The following GRIK2 variants were observed in gnomAD, a reference collection of about 807,000 sequenced individuals.
GRIK2 encodes the protein glutamate receptor ionotropic, kainate 2.
GRIK2 carries 32 observed loss-of-function variants against 100.3 expected under a neutral mutation model. The ratio of observed to expected loss-of-function variants is 0.32; its 90% CI spans 0.24 to 0.43. The LOEUF is 0.43. Ranked by LOEUF, GRIK2 falls within the 20% of genes least tolerant of loss-of-function variation. GRIK2 has a pLI of 1.00. For missense variants in GRIK2, 843 were observed against 1,114.9 expected, an observed-to-expected ratio of 0.76 and a Z score of 3.47; for synonymous variants, 417 against 389.4, an observed-to-expected ratio of 1.07 and a Z score of -0.83.
At chr6:101,836,643 G>GTATATATATA (rs201661389) in intron 10 of GRIK2, among the ~76,000 whole-genome samples, 2 of 86,402 alleles carry the variant, frequency 2.3e-5, no homozygotes, top group African/African-American at 4.6e-5. Context: ...ATATGTATGT[G>GTATATATATA]TATATATATA....
At chr6:101,647,085 T>C (rs1781561312) in intron 4 of GRIK2, among the ~76,000 whole-genome samples, 1 of 152,016 alleles carries the variant, frequency 6.6e-6, no homozygotes, top group Non-Finnish European at 1.5e-5. Flanking sequence ...GTCTTAAAGA[T>C]GTTATGAAAC....
intron 2 of GRIK2, among the ~76,000 whole-genome samples, chr6:101,608,599 T>A (rs1472592974): frequency 6.6e-6 from 1 of 151,944 alleles, no homozygotes; most frequent in African/African-American, 2.4e-5. Context: ...CCTACTGTGT[T>A]ACACTCAGTT....
intron 2 of GRIK2, among the ~76,000 whole-genome samples, chr6:101,411,678 A>G (rs1352364637): frequency 6.6e-6 from 1 of 152,138 alleles, no homozygotes; most frequent in Non-Finnish European, 1.5e-5. Flanking sequence ...TAAATGTTGT[A>G]GATAACAGTT....
chr6:101,549,557 T>A (rs182831187), intron 2 of GRIK2, among the ~76,000 whole-genome samples: 12 of 152,256 alleles, frequency 7.9e-5, no homozygotes, highest in African/African-American at 2.4e-4. Context: ...AATATATTTT[T>A]ATTTAATTTT....
intron 2 of GRIK2, among the ~76,000 whole-genome samples, chr6:101,564,046 G>A (rs775592464): frequency 3.9e-5 from 6 of 151,956 alleles, no homozygotes; most frequent in South Asian, 2.1e-4. Flanking sequence ...GGATCCACCC[G>A]CCAAGGCTGA....
intron 7 of GRIK2, among the ~76,000 whole-genome samples, chr6:101,696,297 TTTATA>T (rs199662137): frequency 0.012 from 1,812 of 151,782 alleles, 23 homozygotes; most frequent in Non-Finnish European, 0.018. Context: ...TATAATAAAA[TTTATA>T]TTATATATAA....
intron 7 of GRIK2, among the ~76,000 whole-genome samples, chr6:101,797,608 A>G (rs1233981342): frequency 3.4e-5 from 5 of 148,248 alleles, no homozygotes; most frequent in African/African-American, 1.2e-4. Context: ...ATATTACTCT[A>G]TAAATATATA....
intron 7 of GRIK2, among the ~76,000 whole-genome samples, chr6:101,762,534 A>ATTTC (rs899244210): frequency 1.3e-5 from 2 of 151,874 alleles, no homozygotes; most frequent in African/African-American, 4.8e-5. Context: ...TCCAGCCCCA[A>ATTTC]TTTCTTTCTT....
At chr6:102,025,743 A>G (rs1414814390) in intron 14 of GRIK2, among the ~76,000 whole-genome samples, 1 of 151,272 alleles carries the variant, frequency 6.6e-6, no homozygotes, top group Non-Finnish European at 1.5e-5. Flanking sequence ...TTGCCAGGAC[A>G]GGGGTCATGT....
intron 7 of GRIK2, among the ~76,000 whole-genome samples, chr6:101,722,292 T>G (rs1774537366): frequency 6.6e-6 from 1 of 152,012 alleles, no homozygotes; most frequent in Non-Finnish European, 1.5e-5. Context: ...TATTAGGTAG[T>G]CCATTAAAAA....
At chr6:101,400,315 T>C (rs1464347008) in intron 2 of GRIK2, among the ~76,000 whole-genome samples, 3 of 152,186 alleles carry the variant, frequency 2.0e-5, no homozygotes, top group Admixed American at 2.0e-4. Flanking sequence ...GTGGAAACCC[T>C]GGTCAGAGGG....
At chr6:101,873,260 A>G (rs989093778) in intron 11 of GRIK2, among the ~76,000 whole-genome samples, 9 of 89,710 alleles carry the variant, frequency 1.0e-4, no homozygotes, top group Non-Finnish European at 1.9e-4. Flanking sequence ...CCCACCCCAC[A>G]ATAAGCCCCA....
chr6:101,688,765 A>G (rs1771889819), intron 7 of GRIK2, among the ~76,000 whole-genome samples: 1 of 151,992 alleles, frequency 6.6e-6, no homozygotes, highest in African/African-American at 2.4e-5. Flanking sequence ...TTCCTTTGGT[A>G]TAGTTCTTAA....
At chr6:101,507,316 A>G (rs1774074201) in intron 2 of GRIK2, among the ~76,000 whole-genome samples, 1 of 152,150 alleles carries the variant, frequency 6.6e-6, no homozygotes, top group African/African-American at 2.4e-5. Flanking sequence ...GAGTTCAGAG[A>G]CATAGTTTGG....
chr6:102,032,120 C>T (rs762606615), intron 14 of GRIK2, among the ~76,000 whole-genome samples: 5 of 151,294 alleles, frequency 3.3e-5, no homozygotes, highest in African/African-American at 7.2e-5. Context: ...CTCATATCTT[C>T]GTCACAGAAA....
At chr6:101,641,019 C>A (rs1412189516) in intron 4 of GRIK2, among the ~76,000 whole-genome samples, 1 of 152,006 alleles carries the variant, frequency 6.6e-6, no homozygotes, top group African/African-American at 2.4e-5. Context: ...AACTTCAACA[C>A]TGAGTAGCAA....
At chr6:101,947,624 A>G (rs1400755003) in intron 14 of GRIK2, among the ~76,000 whole-genome samples, 1 of 152,132 alleles carries the variant, frequency 6.6e-6, no homozygotes, top group Non-Finnish European at 1.5e-5. Flanking sequence ...TGTCAGTTTT[A>G]TTTCCTTCTG....
At chr6:101,759,991 T>C (rs1777400290) in intron 7 of GRIK2, among the ~76,000 whole-genome samples, 1 of 128,894 alleles carries the variant, frequency 7.8e-6, no homozygotes, top group South Asian at 2.5e-4. Context: ...TGCCTCAGCC[T>C]CCCGAGTAGC....
At chr6:101,705,285 C>CCTT (rs918609919) in intron 7 of GRIK2, among the ~76,000 whole-genome samples, 3 of 150,634 alleles carry the variant, frequency 2.0e-5, no homozygotes, top group South Asian at 2.1e-4. Context: ...GCTTTGTTAT[C>CCTT]CTTCTTCTTC....
Sources: allele counts gnomAD v4.1 joint callset (sites outside exome capture counted in the v4.1 genomes callset), GRCh38; gene constraint gnomAD v4.1.1; transcripts MANE v1.5; gene names NCBI Gene and HGNC (gene_info 2026-07-23, HGNC 2026-07-21).